Variants in DACH1 observed in about 807,000 individuals in gnomAD.
The protein encoded by DACH1 is dachshund homolog 1.
DACH1 carries 12 observed loss-of-function variants against 54.2 expected under a neutral mutation model. That is an observed-to-expected ratio of 0.22 (90% CI 0.14 to 0.36). The LOEUF (loss-of-function observed/expected upper bound fraction) is 0.36. Ranked by LOEUF, DACH1 falls within the 10% of genes least tolerant of loss-of-function variation. DACH1 has a pLI of 1.00. For missense variants in DACH1, 805 were observed against 929.8 expected (o/e 0.87, Z 1.75); for synonymous variants, 386 against 366.2 (o/e 1.05, Z -0.62).
At chr13:71,815,446 T>TG (rs1887878703) in intron 1 of DACH1, among the ~76,000 whole-genome samples, 1 of 152,076 alleles carries the variant, frequency 6.6e-6, no homozygotes, top group South Asian at 2.1e-4. Flanking sequence ...TACATATAGA[T>TG]GCAGACTGTG....
At chr13:71,577,885 T>C (rs1885631213) in intron 3 of DACH1, among the ~76,000 whole-genome samples, 1 of 152,180 alleles carries the variant, frequency 6.6e-6, no homozygotes, top group African/African-American at 2.4e-5. Context: ...GCACCAATTA[T>C]AGTCTTAGTC....
At chr13:71,858,215 T>A (rs990034861) in intron 1 of DACH1, among the ~76,000 whole-genome samples, 2 of 151,692 alleles carry the variant, frequency 1.3e-5, no homozygotes, top group Non-Finnish European at 3.0e-5. Flanking sequence ...ATATATTTTG[T>A]TTGCCCTTGA....
intron 8 of DACH1, among the ~76,000 whole-genome samples, chr13:71,477,106 T>TTATA (rs1877621196): frequency 5.7e-5 from 1 of 17,584 alleles, no homozygotes; most frequent in Non-Finnish European, 1.6e-4. Context: ...ATATATATAT[T>TTATA]TTTTTTTTTT....
intron 1 of DACH1, among the ~76,000 whole-genome samples, chr13:71,850,966 T>TACTA (rs1873619408): frequency 6.6e-6 from 1 of 152,266 alleles, no homozygotes; most frequent in Non-Finnish European, 1.5e-5. Flanking sequence ...TTAGCTATTG[T>TACTA]ACTAGTTCAA....
intron 10 of DACH1, among the ~76,000 whole-genome samples, chr13:71,448,728 C>A (rs905784118): frequency 6.6e-6 from 1 of 151,564 alleles, no homozygotes; most frequent in Non-Finnish European, 1.5e-5. Context: ...AATAACAGTG[C>A]AAGTGATTTC....
intron 1 of DACH1, among the ~76,000 whole-genome samples, chr13:71,682,562 A>C (rs1880966394): frequency 6.6e-6 from 1 of 152,236 alleles, no homozygotes; most frequent in African/African-American, 2.4e-5. Context: ...GTCATTTAAA[A>C]GATAAGTCAA....
At chr13:71,449,034 A>G (rs920680709) in intron 10 of DACH1, among the ~76,000 whole-genome samples, 10 of 152,156 alleles carry the variant, frequency 6.6e-5, no homozygotes, top group African/African-American at 1.9e-4. Context: ...CAAATACACC[A>G]CAATAAGAAA....
chr13:71,459,522 T>C (rs1336777051), intron 10 of DACH1, among the ~76,000 whole-genome samples: 1 of 151,930 alleles, frequency 6.6e-6, no homozygotes, highest in Non-Finnish European at 1.5e-5. Context: ...TTATGGGATG[T>C]CTTTATATTT....
intron 1 of DACH1, among the ~76,000 whole-genome samples, chr13:71,776,509 G>T (rs1886071641): frequency 6.6e-6 from 1 of 152,010 alleles, no homozygotes; most frequent in Non-Finnish European, 1.5e-5. Flanking sequence ...TAAAGAATTA[G>T]ATCAGTTAAT....
intron 1 of DACH1, among the ~76,000 whole-genome samples, chr13:71,696,532 G>A (rs750780308): frequency 6.6e-6 from 1 of 151,596 alleles, no homozygotes; most frequent in Non-Finnish European, 1.5e-5. Flanking sequence ...GCCATATCTA[G>A]ATAATTTTTC....
At chr13:71,845,660 G>A (rs978608744) in intron 1 of DACH1, among the ~76,000 whole-genome samples, 32 of 152,150 alleles carry the variant, frequency 2.1e-4, no homozygotes, top group African/African-American at 7.5e-4. Context: ...CAGTATTAAC[G>A]AGATGGAATT....
At chr13:71,457,406 A>T (rs1593722740) in intron 10 of DACH1, among the ~76,000 whole-genome samples, 2 of 152,104 alleles carry the variant, frequency 1.3e-5, no homozygotes, top group African/African-American at 4.8e-5. Context: ...AACACTATGT[A>T]TTTTTATCAT....
At chr13:71,624,860 T>A (rs1876526917) in intron 3 of DACH1, among the ~76,000 whole-genome samples, 1 of 151,922 alleles carries the variant, frequency 6.6e-6, no homozygotes, top group African/African-American at 2.4e-5. Context: ...GGCTGAGAGA[T>A]AAGGAGCAAT....
intron 1 of DACH1, among the ~76,000 whole-genome samples, chr13:71,803,840 T>C (rs902016498): frequency 6.6e-6 from 1 of 152,152 alleles, no homozygotes; most frequent in Non-Finnish European, 1.5e-5. Context: ...ACCTTCTCTT[T>C]CCTCTCTTTA....
At chr13:71,650,464 G>A (rs932512326) in intron 2 of DACH1, among the ~76,000 whole-genome samples, 3 of 151,882 alleles carry the variant, frequency 2.0e-5, no homozygotes, top group African/African-American at 7.3e-5. Context: ...ATAATTTACT[G>A]AATAAAAGTT....
chr13:71,446,282 G>GA (rs753095215), intron 10 of DACH1, among the ~76,000 whole-genome samples: 3 of 152,150 alleles, frequency 2.0e-5, no homozygotes, highest in Admixed American at 6.6e-5. Context: ...GTTTGACGCA[G>GA]AAAAAATATA....
At chr13:71,715,352 C>G (rs996899909) in intron 1 of DACH1, among the ~76,000 whole-genome samples, 2 of 152,016 alleles carry the variant, frequency 1.3e-5, no homozygotes, top group Non-Finnish European at 2.9e-5. Flanking sequence ...AACTTAAAAA[C>G]CTGAAATAAA....
chr13:71,646,821 A>G (rs568973169), intron 2 of DACH1, among the ~76,000 whole-genome samples: 1 of 152,344 alleles, frequency 6.6e-6, no homozygotes, highest in East Asian at 1.9e-4. Context: ...CATTTGCAGC[A>G]ATAAATACAC....
At chr13:71,533,392 A>C (rs1307095765) in intron 6 of DACH1, among the ~76,000 whole-genome samples, 1 of 151,990 alleles carries the variant, frequency 6.6e-6, no homozygotes, top group Non-Finnish European at 1.5e-5. Flanking sequence ...AGTGAAATTT[A>C]TATCTTTTAG....
Sources: gnomAD v4.1 joint callset for allele counts (sites outside exome capture counted in the v4.1 genomes callset) on GRCh38, gnomAD v4.1.1 for gene constraint, MANE v1.5 for transcripts, NCBI Gene and HGNC (gene_info 2026-07-23, HGNC 2026-07-21) for gene names.